EXOC2: variants seen among roughly 807,000 people sequenced by gnomAD.
The protein encoded by EXOC2 is exocyst complex component 2.
A neutral mutation model predicts 131.8 loss-of-function variants in EXOC2; 70 were observed. The ratio of observed to expected loss-of-function variants is 0.53; its 90% confidence interval spans 0.44 to 0.65. The LOEUF (loss-of-function observed/expected upper bound fraction) is 0.65, where lower values mean the gene tolerates loss of function less well. Among genes scored for constraint, EXOC2 ranks in the 30% least tolerant of loss-of-function variants. The pLI is 0.00. For missense variants in EXOC2, 923 were observed against 1,108.6 expected (o/e 0.83, Z 2.38); for synonymous variants, 411 against 398.4 (o/e 1.03, Z -0.38).
chr6:572,629 G>A lies in EXOC2; in HGVS notation c.1334C>T (p.Thr445Ile). The A allele has an allele frequency of 6.2e-7, 1 of 1,613,536 alleles. No homozygotes were observed. The highest frequency in any genetic ancestry group is 2.2e-5 in the East Asian group (1 of 44,888). The part of the protein sequence containing the change: ...SGRDDTWRYK[T>I]PHRVAFVEKL... ...TTCAACAAAGGCCACCCTGTGGGGA[G>A]TTTTGTATCTCCACGCTAAGGGGGA... is the stretch of plus-strand genomic sequence containing the variant. The change falls in exon 13 of 28, where the codon ACT becomes ATT. Residue 445 changes from threonine (T) to isoleucine (I), a missense_variant. Transcript: ENST00000230449.
intron 27 of EXOC2, among the ~76,000 whole-genome samples, chr6:488,251 C>T (rs1414411381): frequency 6.6e-6 from 1 of 152,236 alleles, no homozygotes; most frequent in Middle Eastern, 3.2e-3. Flanking sequence ...TGAGTCTGCA[C>T]TGCATTCACG....
At chr6:517,898 CA>C in intron 23 of EXOC2, among the ~76,000 whole-genome samples, 1 of 152,220 alleles carries the variant, frequency 6.6e-6, no homozygotes. Context: ...ATCTACAGAA[CA>C]AAAAACCCGA....
At chr6:630,022 C>G in intron 3 of EXOC2, 61 bp from the exon 4 acceptor site, 1 of 1,587,262 alleles carries the variant, frequency 6.3e-7, no homozygotes, top group Non-Finnish European at 8.6e-7. Context: ...CCTTCTACGT[C>G]TGGCCTATTG....
At chr6:574,191 A>G (rs1758448805) in intron 12 of EXOC2, among the ~76,000 whole-genome samples, 1 of 152,248 alleles carries the variant, frequency 6.6e-6, no homozygotes, top group African/African-American at 2.4e-5. Context: ...CAGTAACTGT[A>G]TACCTATATC....
rs145138893 is a variant in EXOC2 at position 592,352 on chromosome 6, CAAT to C, written c.1192+114_1192+116del. The C allele has an allele frequency of 1.4e-3, 1,208 of 865,522 alleles. 30 individuals are homozygous for C. In the East Asian group the frequency reaches 0.03, roughly 21 times the overall value. 53.6% of individuals were successfully genotyped at this position (865,522 alleles called of 1,614,324 possible). On this transcript the variant is annotated intron_variant, in intron 11 of 27. Coordinates refer to ENST00000230449, the MANE Select transcript of EXOC2 (RefSeq NM_018303.6). ...AAAAAACCACAAAACAAGCAAAAGACAATAATAAGAGATACCAAGTAAATTAGG... is the reference window on the plus strand; with the variant it reads ...AAAAAACCACAAAACAAGCAAAAGACAATAAGAGATACCAAGTAAATTAGG...
chr6:660,923 G>T (rs1763398807), intron 1 of EXOC2, among the ~76,000 whole-genome samples: 1 of 152,110 alleles, frequency 6.6e-6, no homozygotes, highest in Non-Finnish European at 1.5e-5. Context: ...AGTAAAGGGA[G>T]AAATATTCAA....
chr6:533,756 G>C (rs1217175451), intron 22 of EXOC2, among the ~76,000 whole-genome samples: 2 of 152,154 alleles, frequency 1.3e-5, no homozygotes, highest in Admixed American at 1.3e-4. Flanking sequence ...CTGGGGTGTG[G>C]AGAGTCTGTG....
At chr6:638,769 A>C (rs543184000) in intron 1 of EXOC2, among the ~76,000 whole-genome samples, 1 of 152,162 alleles carries the variant, frequency 6.6e-6, no homozygotes, top group Admixed American at 6.5e-5. Flanking sequence ...GTCTTTACTA[A>C]AAATACAAAA....
Position 486,678 on chromosome 6 carries a change from T to C in EXOC2, c.2768A>G (p.Lys923Arg). The C allele has an allele frequency of 1.2e-6, 2 of 1,614,104 alleles. No individual in the cohort carries two copies. The highest frequency in any genetic ancestry group is 1.7e-6 in the Non-Finnish European group (2 of 1,179,936). ...CTTTTATGTGGCAGATATTTATGTTTTCATCATGGTTGAAGAAGCTGCTTG... is the reference window on the plus strand; with the variant it reads ...CTTTTATGTGGCAGATATTTATGTTCTCATCATGGTTGAAGAAGCTGCTTG... ...CFQAASSTMMKT is the reference protein window; with the variant it reads ...CFQAASSTMMRT The change falls in exon 28 of 28, where the codon AAA (lysine) becomes AGA (arginine). Residue 923 changes from lysine to arginine, a missense_variant. Transcript: ENST00000230449.
chr6:660,193 G>A (rs902438811), intron 1 of EXOC2, among the ~76,000 whole-genome samples: 1 of 101,412 alleles, frequency 9.9e-6, no homozygotes, highest in Non-Finnish European at 1.9e-5. Flanking sequence ...CCAACCCGAT[G>A]GTCCTTCCCT....
At chr6:661,170 T>C (rs1763409348) in intron 1 of EXOC2, among the ~76,000 whole-genome samples, 1 of 152,126 alleles carries the variant, frequency 6.6e-6, no homozygotes, top group Admixed American at 6.5e-5. Flanking sequence ...CCAAACCTAA[T>C]AATCGGTGTT....
chr6:581,436 C>T (rs1335462011), intron 11 of EXOC2, among the ~76,000 whole-genome samples: 1 of 152,054 alleles, frequency 6.6e-6, no homozygotes, highest in African/African-American at 2.4e-5. Flanking sequence ...AGATCAAAAA[C>T]ATTTGGTTGT....
chr6:514,837 G>C (rs1477129660), intron 23 of EXOC2, among the ~76,000 whole-genome samples: 2 of 152,216 alleles, frequency 1.3e-5, no homozygotes, highest in Non-Finnish European at 2.9e-5. Flanking sequence ...AGGAGGAGGG[G>C]AGGAGGGCGG....
At chr6:574,149 C>T (rs533895645) in intron 12 of EXOC2, among the ~76,000 whole-genome samples, 12 of 152,294 alleles carry the variant, frequency 7.9e-5, no homozygotes, top group South Asian at 6.2e-4. Flanking sequence ...AGACTGTCTT[C>T]GGTCTTTTGC....
Position 497,487 on chromosome 6 carries a change from C to A in EXOC2, c.2439G>T (p.Val813=). The part of the protein sequence containing the change: ...LVNIIAVHAE[V]FTISKELVPR... ...GGACCAGTTCTTTGGAAATGGTGAA[C>A]ACCTGGTTTGAAATAGGAAGACATG... Residue 813 remains valine, a splice_region_variant and synonymous_variant, in exon 25 of 28, where the codon GTG becomes GTT. Transcript: ENST00000230449. 1 of 1,608,858 alleles carries A rather than the reference C, an allele frequency of 6.2e-7. No individual in the cohort carries two copies. The highest frequency in any genetic ancestry group is 8.5e-7 in the Non-Finnish European group (1 of 1,178,084).
At chr6:523,486 T>C (rs1430364778) in intron 23 of EXOC2, among the ~76,000 whole-genome samples, 2 of 152,254 alleles carry the variant, frequency 1.3e-5, no homozygotes, top group Non-Finnish European at 2.9e-5. Context: ...GAATGAAAAA[T>C]GTACTTTCTA....
chr6:570,351 T>C (rs1361729466), intron 13 of EXOC2, among the ~76,000 whole-genome samples: 2 of 152,298 alleles, frequency 1.3e-5, no homozygotes, highest in South Asian at 2.1e-4. Flanking sequence ...GCCAGGATGA[T>C]TTCAATCTCC....
At chr6:634,067 T>C (rs1340335044) in intron 2 of EXOC2, among the ~76,000 whole-genome samples, 1 of 69,510 alleles carries the variant, frequency 1.4e-5, no homozygotes, top group African/African-American at 4.3e-5. Context: ...ACACTTGACG[T>C]TTTCTTTTTT....
intron 2 of EXOC2, among the ~76,000 whole-genome samples, chr6:634,909 G>T (rs1237261409): frequency 6.6e-6 from 1 of 152,088 alleles, no homozygotes; most frequent in Non-Finnish European, 1.5e-5. Context: ...GAGAAATACT[G>T]CTAACATGTC....
Sources: allele counts gnomAD v4.1 joint callset (sites outside exome capture counted in the v4.1 genomes callset), GRCh38; gene constraint gnomAD v4.1.1; transcripts MANE v1.5; gene names NCBI Gene and HGNC (gene_info 2026-07-23, HGNC 2026-07-21).